Variants in COMMD10 observed in about 807,000 individuals in gnomAD.
COMMD10 encodes COMM domain-containing protein 10.
Under a neutral mutation model 28.9 loss-of-function variants are expected in COMMD10, and 33 were observed. That is an observed-to-expected ratio of 1.14 (90% confidence interval 0.87 to 1.53). COMMD10 has a LOEUF of 1.53. Ranked by LOEUF, COMMD10 falls within the 40% of genes most tolerant of loss-of-function variation. The pLI, the probability that COMMD10 is intolerant of heterozygous loss-of-function variation, is 0.00. For synonymous variants in COMMD10, 110 were observed against 81.7 expected, an observed-to-expected ratio of 1.35 and a Z score of -1.87; for missense variants, 310 against 233.4, an observed-to-expected ratio of 1.33 and a Z score of -2.14.
chr5:116,264,305 C>T (rs1029559212), intron 5 of COMMD10, among the ~76,000 whole-genome samples: 2 of 151,740 alleles, frequency 1.3e-5, no homozygotes, highest in Admixed American at 6.6e-5. Flanking sequence ...TTCGAATATA[C>T]GTATGAAGGC....
chr5:116,102,003 T>G (rs989883972), intron 4 of COMMD10, among the ~76,000 whole-genome samples: 3 of 152,220 alleles, frequency 2.0e-5, no homozygotes, highest in Admixed American at 6.5e-5. Flanking sequence ...TCTCCCATTT[T>G]GCAGGTTTTC....
chr5:116,270,928 ACTCTGT>A (rs923248583), intron 5 of COMMD10, among the ~76,000 whole-genome samples: 4 of 151,726 alleles, frequency 2.6e-5, no homozygotes, highest in African/African-American at 9.7e-5. Flanking sequence ...AACGAGCAAA[ACTCTGT>A]CTCAAAAAAT....
intron 5 of COMMD10, among the ~76,000 whole-genome samples, chr5:116,230,080 TTCTG>T (rs1032726746): frequency 8.6e-5 from 13 of 151,926 alleles, no homozygotes; most frequent in African/African-American, 2.9e-4. Flanking sequence ...TAAAGGTTCA[TTCTG>T]TCTATTTTGC....
chr5:116,175,423 G>A (rs760191552), intron 5 of COMMD10, among the ~76,000 whole-genome samples: 39 of 152,086 alleles, frequency 2.6e-4, no homozygotes, highest in Non-Finnish European at 4.0e-4. Context: ...GTACATTACC[G>A]GTGGCAATGA....
At chr5:116,091,260 G>T in intron 3 of COMMD10, 71 bp downstream of exon 3, 2 of 696,396 alleles carry the variant, frequency 2.9e-6, no homozygotes, top group South Asian at 2.7e-5. Flanking sequence ...TGATATCTAT[G>T]ACATTCTGTT....
At chr5:116,167,377 C>A (rs948785979) in intron 5 of COMMD10, among the ~76,000 whole-genome samples, 1 of 152,024 alleles carries the variant, frequency 6.6e-6, no homozygotes, top group African/African-American at 2.4e-5. Flanking sequence ...GATTGGTGTA[C>A]CTGAAAGTGA....
chr5:116,154,929 G>A (rs1752659023), intron 5 of COMMD10, among the ~76,000 whole-genome samples: 1 of 151,910 alleles, frequency 6.6e-6, no homozygotes, highest in African/African-American at 2.4e-5. Flanking sequence ...GTACCACATT[G>A]GATCCCAGTA....
At position 116,108,325 on chromosome 5, in the gene COMMD10, A is replaced by T. The variant is rs567158913; in HGVS notation, c.399+15625A>T. ...TCCCAGGGAGATGGGGGTTTTATCT[A>T]TAAGTCCCTGACTGAGGCTACTGCC... On this transcript the variant is annotated intron_variant, in intron 4 of 6. Coordinates refer to ENST00000274458, the MANE Select transcript of COMMD10 (RefSeq NM_016144.4). Among the ~76,000 whole-genome samples the T allele has an allele frequency of 4.6e-4, 70 of 152,320 alleles. 1 individual carries two copies. In the South Asian group the frequency reaches 0.014, roughly 31 times the overall value.
At chr5:116,120,381 A>C (rs1254860670) in intron 4 of COMMD10, among the ~76,000 whole-genome samples, 1 of 152,092 alleles carries the variant, frequency 6.6e-6, no homozygotes, top group African/African-American at 2.4e-5. Flanking sequence ...GGGATAAAAG[A>C]CTACACATTG....
At chr5:116,107,669 A>C (rs1177252925) in intron 4 of COMMD10, among the ~76,000 whole-genome samples, 1 of 151,902 alleles carries the variant, frequency 6.6e-6, no homozygotes, top group African/African-American at 2.4e-5. Flanking sequence ...CAGCTTCTGA[A>C]GCCTACTTCT....
chr5:116,166,526 G>A (rs541256777), intron 5 of COMMD10, among the ~76,000 whole-genome samples: 3 of 152,256 alleles, frequency 2.0e-5, no homozygotes, highest in East Asian at 3.9e-4. Flanking sequence ...GTGGGTCCCC[G>A]GCCCCCGTGC....
intron 5 of COMMD10, among the ~76,000 whole-genome samples, chr5:116,226,181 G>A (rs1394226712): frequency 1.3e-5 from 2 of 151,956 alleles, no homozygotes; most frequent in Admixed American, 1.3e-4. Flanking sequence ...GTATCTTCAA[G>A]TAGTTTGTTT....
chr5:116,125,635 TGCAGAGTGTTTTCCA>T (rs904483984), intron 4 of COMMD10, among the ~76,000 whole-genome samples: 35 of 152,292 alleles, frequency 2.3e-4, no homozygotes, highest in African/African-American at 7.5e-4. Context: ...GATAATATCC[TGCAGAGTGTTTTCCA>T]ACTTGGTTCC....
intron 5 of COMMD10, among the ~76,000 whole-genome samples, chr5:116,244,827 G>A (rs1369983809): frequency 6.6e-6 from 1 of 151,860 alleles, no homozygotes; most frequent in Non-Finnish European, 1.5e-5. Context: ...ATCCGACTAA[G>A]GCAGTATTAA....
rs971906654 is a variant in COMMD10 at position 116,150,974 on chromosome 5, GGT to G, written c.510+16797_510+16798del. Among the ~76,000 whole-genome samples the G allele has an allele frequency of 1.6e-3, 234 of 149,324 alleles. 2 individuals carry two copies. The highest frequency in any genetic ancestry group is 5.6e-3 in the African/African-American group (219 of 39,200). On this transcript the variant is annotated intron_variant, in intron 5 of 6. Coordinates refer to ENST00000274458, the MANE Select transcript of COMMD10 (RefSeq NM_016144.4). The stretch of plus-strand genomic sequence containing the variant: ...AAAGCTTCCAGTTTTTGCCCATTCA[GGT>G]ATGATATTGGCTGTGGGTTTGTCAT...
At chr5:116,271,335 A>G (rs1398278887) in intron 5 of COMMD10, among the ~76,000 whole-genome samples, 1 of 147,376 alleles carries the variant, frequency 6.8e-6, no homozygotes, top group Non-Finnish European at 1.5e-5. Context: ...ATATATATTT[A>G]TATTTATGAT....
rs1329559450 is a variant in COMMD10 at position 116,100,538 on chromosome 5, T to C, written c.399+7838T>C. Among the ~76,000 whole-genome samples, 3 of 151,060 alleles carry C rather than the reference T, an allele frequency of 2.0e-5. No individual in the cohort carries two copies. In the East Asian group the frequency reaches 5.8e-4, roughly 29 times the overall value. On this transcript the variant is annotated intron_variant, in intron 4 of 6. Transcript: ENST00000274458. Reference sequence around the variant, plus strand: ...AGTTCCTTTTTTTTTTTTTTGCATGTAGATTTTCAGTTTTCTCAGTACCAT... The same window carrying C: ...AGTTCCTTTTTTTTTTTTTTGCATGCAGATTTTCAGTTTTCTCAGTACCAT...
At chr5:116,149,392 A>C (rs1356714814) in intron 5 of COMMD10, among the ~76,000 whole-genome samples, 1 of 147,208 alleles carries the variant, frequency 6.8e-6, no homozygotes, top group Non-Finnish European at 1.5e-5. Context: ...GGCTGGGTCA[A>C]ATGGTATTTC....
At chr5:116,196,007 A>G (rs960112907) in intron 5 of COMMD10, among the ~76,000 whole-genome samples, 1 of 152,204 alleles carries the variant, frequency 6.6e-6, no homozygotes, top group Non-Finnish European at 1.5e-5. Flanking sequence ...TAGTACAGCC[A>G]TTATGGAAGA....
Sources: allele counts gnomAD v4.1 joint callset (sites outside exome capture counted in the v4.1 genomes callset), GRCh38; gene constraint gnomAD v4.1.1; transcripts MANE v1.5; gene names NCBI Gene and HGNC (gene_info 2026-07-23, HGNC 2026-07-21).